Variants in FAM20C observed in about 807,000 individuals in gnomAD.
The protein encoded by FAM20C is extracellular serine/threonine protein kinase FAM20C.
FAM20C carries 40 observed loss-of-function variants against 51.5 expected under a neutral mutation model. The ratio of observed to expected loss-of-function variants is 0.78; its 90% CI spans 0.60 to 1.01. The LOEUF (loss-of-function observed/expected upper bound fraction) is 1.01. FAM20C is among the 50% of genes least tolerant of loss of function. The pLI is 0.00. For synonymous variants in FAM20C, 406 were observed against 380.6 expected (o/e 1.07, Z -0.78); for missense variants, 861 against 844.7 (o/e 1.02, Z -0.24).
intron 3 of FAM20C, among the ~76,000 whole-genome samples, chr7:232,052 A>T (rs1215307689): frequency 1.3e-5 from 2 of 152,204 alleles, no homozygotes; most frequent in Non-Finnish European, 2.9e-5. Context: ...TTTGTGGGAC[A>T]CGCTGAGCCG....
chr7:205,126 A>C (rs1472825652), intron 2 of FAM20C, among the ~76,000 whole-genome samples: 3 of 152,222 alleles, frequency 2.0e-5, no homozygotes, highest in Non-Finnish European at 4.4e-5. Context: ...GAGGCGGGAC[A>C]GGCGTCCACG....
rs1206686409 is a variant in FAM20C, at chr7:257,969, C to T, written c.1446-677C>T. Among the ~76,000 whole-genome samples the T allele has an allele frequency of 6.4e-5, 6 of 93,204 alleles. 1 individual carries two copies. Among genetic ancestry groups the T allele is most frequent in the East Asian group, 6.1e-4 (2 of 3,282 alleles). 61.1% of individuals were successfully genotyped at this position (93,204 alleles called of 152,430 possible). On this transcript the variant is annotated intron_variant, in intron 8 of 9. Coordinates refer to ENST00000313766, the MANE Select transcript of FAM20C (RefSeq NM_020223.4). ...CGGGGTGGACCCACTGCCTGAGGTG[C>T]TGGAGATAGGCAGTGTGGACCCACT...
In FAM20C at chr7:259,923, C is replaced by G. The variant is rs539771117; in HGVS notation, c.1698C>G (p.Leu566=). 1.2e-5 allele frequency: 19 copies of G among 1,533,872 alleles called. No individual in the cohort carries two copies. The East Asian group carries it at 2.7e-4, about 22-fold the overall frequency. Residue 566 remains leucine (L), a synonymous_variant, in exon 10 of 10, where the codon CTC becomes CTG. Coordinates refer to ENST00000313766, the MANE Select transcript of FAM20C (RefSeq NM_020223.4). The stretch of plus-strand genomic sequence containing the variant: ...GGGACTGCGTGGAGAGGAACGGGCT[C>G]CACAGCGTGGTGGATGACGACCTGG... ...AVRDCVERNG[L]HSVVDDDLDT...
chr7:248,022 T>C (rs1382634101), intron 4 of FAM20C, among the ~76,000 whole-genome samples: 1 of 152,232 alleles, frequency 6.6e-6, no homozygotes. Flanking sequence ...TTGTTTTAAA[T>C]TTAGCCCTGG....
chr7:193,193 C>G lies in FAM20C; in HGVS notation c.-7C>G. ...CGCGCTCCAGGCCCGGGCCGGCCCG[C>G]GCGGCCATGAAGATGATGCTGGTGC... On this transcript the variant is annotated 5_prime_UTR_variant, in exon 1 of 10. Coordinates refer to ENST00000313766, the MANE Select transcript of FAM20C (RefSeq NM_020223.4). 6.9e-7 allele frequency: 1 copy of G among 1,452,960 alleles called. No homozygotes were observed. Among genetic ancestry groups the G allele is most frequent in the South Asian group, 1.2e-5 (1 of 81,534 alleles). 90.0% of individuals were successfully genotyped at this position (1,452,960 alleles called of 1,614,324 possible). A position where few individuals can be genotyped will look rare whatever the true frequency, so the allele number is the denominator to read the frequency against.
chr7:214,608 CCTGA>C (rs1311467341), intron 3 of FAM20C, among the ~76,000 whole-genome samples: 1 of 152,088 alleles, frequency 6.6e-6, no homozygotes. Context: ...TGCTGTTTGA[CCTGA>C]CTGAGTGCCC....
intron 3 of FAM20C, among the ~76,000 whole-genome samples, chr7:211,991 G>A (rs575280646): frequency 6.6e-4 from 100 of 152,318 alleles, no homozygotes; most frequent in Non-Finnish European, 1.3e-3. Flanking sequence ...CAAACCAGGG[G>A]GCCTGGATCT....
chr7:210,090 G>A (rs1041006041), intron 3 of FAM20C, among the ~76,000 whole-genome samples: 10 of 152,222 alleles, frequency 6.6e-5, no homozygotes, highest in African/African-American at 2.2e-4. Context: ...ACACAGGGCC[G>A]GGGAGCAGCC....
chr7:258,144 G>A (rs796592710), intron 8 of FAM20C, among the ~76,000 whole-genome samples: 7 of 107,428 alleles, frequency 6.5e-5, no homozygotes, highest in Non-Finnish European at 1.3e-4. Flanking sequence ...CCCACTGACT[G>A]GGGTGCTGGA....
intron 3 of FAM20C, among the ~76,000 whole-genome samples, chr7:241,556 T>TTGTGTG (rs1221493976): frequency 0.078 from 11,667 of 148,974 alleles, 463 homozygotes; most frequent in African/African-American, 0.094. Flanking sequence ...TCTGTGGGGG[T>TTGTGTG]TGTGTGTGTG....
At chr7:205,197 C>G (rs1786298063) in intron 2 of FAM20C, among the ~76,000 whole-genome samples, 1 of 151,838 alleles carries the variant, frequency 6.6e-6, no homozygotes, top group Admixed American at 6.6e-5. Flanking sequence ...TCTTGAGCCC[C>G]TGGCCTCAAG....
chr7:256,729 C>G lies in FAM20C; in HGVS notation c.1329C>G (p.Asp443Glu). 2.0e-6 allele frequency: 3 copies of G among 1,536,244 alleles called. No individual in the cohort carries two copies. The highest frequency in any genetic ancestry group is 2.6e-6 in the Non-Finnish European group (3 of 1,146,842). ...PPYDSSHRIL[D>E]VMDMTIFDFL... ...ACGACAGCAGCCACCGCATCCTGGA[C>G]GTCATGGACATGACGATCTTCGACT... Residue 443 changes from aspartate to glutamate, a missense_variant, in exon 7 of 10, where the codon GAC becomes GAG. Transcript: ENST00000313766.
intron 3 of FAM20C, among the ~76,000 whole-genome samples, chr7:234,411 GGT>G (rs1326760601): frequency 5.3e-5 from 8 of 151,770 alleles, no homozygotes; most frequent in African/African-American, 2.0e-4. Flanking sequence ...CACAGGCAGT[GGT>G]GGGGGGTCCC....
chr7:236,999 T>C (rs1787868593), intron 3 of FAM20C, among the ~76,000 whole-genome samples: 1 of 152,188 alleles, frequency 6.6e-6, no homozygotes. Flanking sequence ...CTTCCTGGAC[T>C]GTTCTAGGAA....
Position 246,756 on chromosome 7 carries a change from G to A in FAM20C, c.956+249G>A, listed in dbSNP as rs189908296. ...CCCACCCCGAGTGCTGCCCTGAGCA[G>A]GGCCCTCTGTGTCATCGTAGCCCAC... is the stretch of plus-strand genomic sequence containing the variant. On this transcript the variant is annotated intron_variant, in intron 4 of 9. Transcript: ENST00000313766. 7.2e-5 allele frequency among the ~76,000 whole-genome samples: 11 copies of A among 152,074 alleles called. 1 individual carries two copies. In the East Asian group the frequency reaches 2.1e-3, roughly 30 times the overall value.
intron 6 of FAM20C, 122 bp from the exon 7 acceptor site, chr7:256,532 G>C (rs927178694): frequency 2.6e-6 from 2 of 767,098 alleles, no homozygotes; most frequent in South Asian, 1.7e-5. Context: ...GCCGCAGCCC[G>C]GGCGGGTCCA....
At chr7:203,409 T>G (rs1047580722) in intron 2 of FAM20C, among the ~76,000 whole-genome samples, 3 of 152,042 alleles carry the variant, frequency 2.0e-5, no homozygotes, top group Non-Finnish European at 2.9e-5. Flanking sequence ...GTCCTGGCTC[T>G]GCCACCTGCT....
rs568040521 is a variant in FAM20C, at chr7:260,120, G to A, written c.*140G>A. ...GTCGGGAGCTGCTGCCACAGGAGGCGAGGCTCCCCAGGTCTCATAGGACAC... is the reference window on the plus strand; with the variant it reads ...GTCGGGAGCTGCTGCCACAGGAGGCAAGGCTCCCCAGGTCTCATAGGACAC... On this transcript the variant is annotated 3_prime_UTR_variant, in exon 10 of 10. Transcript: ENST00000313766. The A allele has an allele frequency of 1.7e-5, 20 of 1,196,244 alleles. No homozygotes were observed. The highest frequency in any genetic ancestry group is 8.2e-5 in the East Asian group (3 of 36,760). 74.1% of individuals were successfully genotyped at this position (1,196,244 alleles called of 1,614,324 possible). A position where few individuals can be genotyped will look rare whatever the true frequency, so the allele number is the denominator to read the frequency against.
chr7:242,898 C>A (rs2115136144), intron 3 of FAM20C, among the ~76,000 whole-genome samples: 1 of 152,308 alleles, frequency 6.6e-6, no homozygotes, highest in South Asian at 2.1e-4. Flanking sequence ...GTCCAGGGGA[C>A]CTGGCCAGGG....
Sources: gnomAD v4.1 joint callset for allele counts (sites outside exome capture counted in the v4.1 genomes callset) on GRCh38, gnomAD v4.1.1 for gene constraint, MANE v1.5 for transcripts, NCBI Gene and HGNC (gene_info 2026-07-23, HGNC 2026-07-21) for gene names.